The following OSBPL10 variants were observed in gnomAD, a reference collection of about 807,000 sequenced individuals.
OSBPL10 encodes oxysterol binding protein like 10.
OSBPL10 carries 49 observed loss-of-function variants against 81.7 expected under a neutral mutation model. That is an observed-to-expected ratio of 0.60 (90% confidence interval 0.48 to 0.76). The LOEUF is 0.76. Ranked by LOEUF, OSBPL10 falls within the 30% of genes least tolerant of loss-of-function variation. The pLI, the probability that OSBPL10 is intolerant of heterozygous loss-of-function variation, is 0.00. For missense variants in OSBPL10, 923 were observed against 987.8 expected (o/e 0.93, Z 0.88); for synonymous variants, 419 against 383.6 (o/e 1.09, Z -1.08).
intron 1 of OSBPL10, among the ~76,000 whole-genome samples, chr3:31,908,238 TG>T (rs1559513541): frequency 5.9e-5 from 9 of 152,126 alleles, no homozygotes; most frequent in Admixed American, 3.9e-4. Context: ...TGATAGGGAC[TG>T]GGGGGTTGAT....
Position 31,830,221 on chromosome 3 carries a change from C to T in OSBPL10, c.548G>A (p.Ser183Asn), listed in dbSNP as rs1700207678. Residue 183 changes from serine (S) to asparagine (N), a missense_variant, in exon 4 of 12, where the codon AGC becomes AAC. By Grantham distance (46) the Ser-to-Asn change is conservative (BLOSUM62 1). This residue lies in a region of OSBPL10 where 514 missense variants were observed against 508.0 expected (regional missense o/e 1.01). Coordinates refer to ENST00000396556, the MANE Select transcript of OSBPL10 (RefSeq NM_017784.5). ...HMEMNSKSAP[S>N]SRSRSLTLLP... ...CAAAGTGAGACTTCGGCTTCGGGAGCTTGGAGCACTCTAGAATAAGCAACA... is the reference window on the plus strand; with the variant it reads ...CAAAGTGAGACTTCGGCTTCGGGAGTTTGGAGCACTCTAGAATAAGCAACA... 6.2e-7 allele frequency: 1 copy of T among 1,613,318 alleles called. No individual in the cohort carries two copies. Among genetic ancestry groups the T allele is most frequent in the African/African-American group, 1.3e-5 (1 of 75,010 alleles).
rs201759769 is a variant in OSBPL10, at chr3:31,733,392, G to A, written c.960C>T (p.His320=). Residue 320 remains histidine (H), a synonymous_variant, in exon 6 of 12, where the codon CAC becomes CAT. Coordinates refer to ENST00000396556, the MANE Select transcript of OSBPL10 (RefSeq NM_017784.5). ...PGASENILGW[H]GSKSHSTEQL... The stretch of plus-strand genomic sequence containing the variant: ...GCTCTGTGGAATGTGACTTGGACCC[G>A]TGCCATCCCAGGATGTTTTCTGAAA... 3.1e-5 allele frequency: 50 copies of A among 1,613,986 alleles called. No homozygotes were observed. Among genetic ancestry groups the A allele is most frequent in the South Asian group, 1.8e-4 (16 of 91,084 alleles).
intron 10 of OSBPL10, 180 bp from the exon 11 acceptor site, chr3:31,664,412 C>T (rs1293211729): frequency 1.6e-6 from 1 of 621,782 alleles, no homozygotes; most frequent in Non-Finnish European, 2.8e-6. Flanking sequence ...CTACCCAGCT[C>T]CACCTCTGTG....
chr3:31,981,387 C>A, upstream of OSBPL10: 1 of 845,684 alleles, frequency 1.2e-6, no homozygotes, highest in Middle Eastern at 4.1e-4. This position sits in a 1 kb window ranked among gnomAD's most constrained non-coding sequence, Gnocchi z 4.5. Flanking sequence ...CTGCGGCCGC[C>A]CCTCCTCCCG....
chr3:31,905,864 T>A (rs967747965), intron 1 of OSBPL10, among the ~76,000 whole-genome samples: 2 of 149,924 alleles, frequency 1.3e-5, no homozygotes, highest in Admixed American at 6.7e-5. Context: ...ATCACTTGAT[T>A]AATTATTCTA....
intron 2 of OSBPL10, among the ~76,000 whole-genome samples, chr3:32,025,199 G>A (rs535320561): frequency 6.6e-6 from 1 of 152,312 alleles, no homozygotes; most frequent in South Asian, 2.1e-4. Flanking sequence ...TTTTTATCAT[G>A]AATTGGTGCT....
chr3:31,894,259 G>C (rs1483307766), intron 1 of OSBPL10, among the ~76,000 whole-genome samples: 4 of 152,132 alleles, frequency 2.6e-5, no homozygotes, highest in African/African-American at 4.8e-5. Context: ...TAGAAATTGA[G>C]GCCACAGGCA....
At chr3:31,791,379 A>G (rs1699004238) in intron 4 of OSBPL10, among the ~76,000 whole-genome samples, 1 of 152,202 alleles carries the variant, frequency 6.6e-6, no homozygotes, top group African/African-American at 2.4e-5. Context: ...AACTGAAAGG[A>G]GTTGAAGTCT....
chr3:31,924,556 G>C (rs1390009568), intron 1 of OSBPL10, among the ~76,000 whole-genome samples: 9 of 152,176 alleles, frequency 5.9e-5, no homozygotes, highest in Admixed American at 5.2e-4. Flanking sequence ...GGAACAAATA[G>C]ATGCACTAAA....
chr3:31,796,058 CCA>C (rs1699204041), intron 4 of OSBPL10: 1 of 177,814 alleles, frequency 5.6e-6, no homozygotes, highest in African/African-American at 2.4e-5. Flanking sequence ...GCTGAAAGCT[CCA>C]GTCTCAAGAA....
chr3:32,077,590 C>T (rs1699886939), upstream of OSBPL10: 2 of 152,188 alleles, frequency 1.3e-5, no homozygotes, highest in Non-Finnish European at 2.9e-5. Context: ...GGAAGAAAGC[C>T]TCAGGTGGGC....
At chr3:31,815,990 G>C (rs574188987) in intron 4 of OSBPL10, among the ~76,000 whole-genome samples, 3 of 152,248 alleles carry the variant, frequency 2.0e-5, no homozygotes, top group Non-Finnish European at 4.4e-5. Flanking sequence ...GCTTCCTTCT[G>C]CCTGCAAAGC....
At chr3:31,821,971 G>C (rs1219532559) in intron 4 of OSBPL10, among the ~76,000 whole-genome samples, 1 of 152,232 alleles carries the variant, frequency 6.6e-6, no homozygotes, top group Non-Finnish European at 1.5e-5. Flanking sequence ...CCTGAAAGGA[G>C]AGAATACTGA....
At chr3:31,761,813 T>TAAAGAAAAAAAAAAAAAAAAAAA (rs1698049998) in intron 4 of OSBPL10, among the ~76,000 whole-genome samples, 1 of 107,554 alleles carries the variant, frequency 9.3e-6, no homozygotes, top group African/African-American at 6.4e-5. Flanking sequence ...AGACTGTCTC[T>TAAAGAAAAAAAAAAAAAAAAAAA]AAAAAAAAAA....
intron 6 of OSBPL10, among the ~76,000 whole-genome samples, chr3:31,725,542 C>G (rs1047711199): frequency 1.3e-5 from 2 of 152,088 alleles, no homozygotes; most frequent in African/African-American, 4.8e-5. Context: ...ATGAGAGACC[C>G]TCACACAAAA....
intron 1 of OSBPL10, among the ~76,000 whole-genome samples, chr3:31,910,741 G>C (rs184861247): frequency 7.2e-5 from 11 of 152,316 alleles, no homozygotes; most frequent in Admixed American, 6.5e-4. Context: ...ATCAAAGGCT[G>C]TACTGACATA....
At chr3:31,964,813 G>A (rs1198400080) in intron 1 of OSBPL10, among the ~76,000 whole-genome samples, 3 of 152,156 alleles carry the variant, frequency 2.0e-5, no homozygotes, top group African/African-American at 4.8e-5. Flanking sequence ...AAAATTAAAT[G>A]TAAAAGTAAG....
At position 31,949,667 on chromosome 3, in the gene OSBPL10, C is replaced by CAAAAAAAAAAAAAA. The variant is rs56002214; in HGVS notation, c.281+31218_281+31231dup. ...TGGGCAACAGAGCAAGACTCTGTCTCAAAAAAAAAAAAAAAAAAAAAAAAA... is the reference window on the plus strand; with the variant it reads ...TGGGCAACAGAGCAAGACTCTGTCTCAAAAAAAAAAAAAAAAAAAAAAAAAAAAAAAAAAAAAAA... On this transcript the variant is annotated intron_variant, in intron 1 of 11. Transcript: ENST00000396556. Among the ~76,000 whole-genome samples, 4 of 26,230 alleles carry CAAAAAAAAAAAAAA rather than the reference C, an allele frequency of 1.5e-4. 1 individual carries two copies. Among genetic ancestry groups the CAAAAAAAAAAAAAA allele is most frequent in the African/African-American group, 5.0e-4 (3 of 6,044 alleles). The allele number at this position is 26,230 out of a possible 152,430, so 17.2% of individuals were successfully genotyped here.
At chr3:31,786,745 T>G (rs1021540688) in intron 4 of OSBPL10, among the ~76,000 whole-genome samples, 4 of 152,210 alleles carry the variant, frequency 2.6e-5, no homozygotes, top group African/African-American at 9.6e-5. Flanking sequence ...ATTGTATGAT[T>G]TAAGCACTTT....
Sources: allele counts gnomAD v4.1 joint callset (sites outside exome capture counted in the v4.1 genomes callset), GRCh38; gene constraint gnomAD v4.1.1; regional missense constraint gnomAD v4.1.1; non-coding constraint Gnocchi (gnomAD v3.1); transcripts MANE v1.5; gene names NCBI Gene and HGNC (gene_info 2026-07-23, HGNC 2026-07-21).